Variants in MYH10 observed in about 807,000 individuals in gnomAD.
The protein encoded by MYH10 is myosin heavy chain 10.
Under a neutral mutation model 257.8 loss-of-function variants are expected in MYH10, and 55 were observed. The ratio of observed to expected loss-of-function variants is 0.21; its 90% CI spans 0.17 to 0.27. The LOEUF (loss-of-function observed/expected upper bound fraction) is 0.27. Ranked by LOEUF, MYH10 falls within the 10% of genes least tolerant of loss-of-function variation. The pLI is 1.00. For synonymous variants in MYH10, 854 were observed against 921.7 expected, an observed-to-expected ratio of 0.93 and a Z score of 1.33; for missense variants, 1,631 against 2,500.6, an observed-to-expected ratio of 0.65 and a Z score of 7.42.
chr17:8,569,457 T>C lies in MYH10; in HGVS notation c.756+263A>G, dbSNP rs1316494184. Among the ~76,000 whole-genome samples the C allele has an allele frequency of 6.6e-6, 1 of 152,074 alleles. No individual in the cohort carries two copies. The highest frequency in any genetic ancestry group is 2.4e-5 in the African/African-American group (1 of 41,392). ...TCAAAGATAAATAAGCTCAGAGAGGTTAAATTACATATCCATAAAATAAGA... is the reference window on the plus strand; with the variant it reads ...TCAAAGATAAATAAGCTCAGAGAGGCTAAATTACATATCCATAAAATAAGA... On this transcript the variant is annotated intron_variant, in intron 7 of 42. Coordinates refer to ENST00000360416, the MANE Select transcript of MYH10 (RefSeq NM_001256012.3). This position sits in a 1 kb window ranked among gnomAD's most constrained non-coding sequence, Gnocchi z 4.1.
At chr17:8,489,745 A>ACACACACACCCCCC (rs1258993754) in intron 35 of MYH10, among the ~76,000 whole-genome samples, 1 of 150,700 alleles carries the variant, frequency 6.6e-6, no homozygotes, top group African/African-American at 2.5e-5. Context: ...ACACACACAC[A>ACACACACACCCCCC]CCCCAAATCC....
chr17:8,518,780 T>C lies in MYH10; in HGVS notation c.2355A>G (p.Leu785=). The change falls in exon 21 of 43, where the codon TTA becomes TTG. Residue 785 remains leucine, a synonymous_variant. Coordinates refer to ENST00000360416, the MANE Select transcript of MYH10 (RefSeq NM_001256012.3). ...TTCTGTACAAGTTTGGGTCCAATTC[T>C]AAAGCCCGGATCTAAGAGAGAAAGA... ...KQACERMIRA[L]ELDPNLYRIG... is the part of the protein sequence containing the mutation. The C allele has an allele frequency of 6.2e-7, 1 of 1,612,710 alleles. No individual in the cohort carries two copies. The highest frequency in any genetic ancestry group is 8.5e-7 in the Non-Finnish European group (1 of 1,179,666).
intron 16 of MYH10, among the ~76,000 whole-genome samples, chr17:8,534,639 G>C (rs936973363): frequency 6.6e-6 from 1 of 152,196 alleles, no homozygotes; most frequent in South Asian, 2.1e-4. Context: ...TGTGACCCAG[G>C]TTACTGAACA....
rs770290598 is a variant in MYH10 at position 8,490,760 on chromosome 17, G to A, written c.4672-208C>T. 6.6e-6 allele frequency among the ~76,000 whole-genome samples: 1 copy of A among 152,206 alleles called. No homozygotes were observed. The highest frequency in any genetic ancestry group is 2.1e-4 in the South Asian group (1 of 4,836). On this transcript the variant is annotated intron_variant, in intron 34 of 42. Transcript: ENST00000360416. The surrounding 1 kb of genome is among the most constrained non-coding windows in gnomAD (Gnocchi z 4.1). ...TCAGTGTATGCAGTTCAGAACTACA[G>A]TGCGGATGTCTTTATTCCCACGTGT...
Position 8,506,724 on chromosome 17 carries a change from C to T in MYH10, c.3215-235G>A, listed in dbSNP as rs993468631. 2.8e-4 allele frequency among the ~76,000 whole-genome samples: 43 copies of T among 151,742 alleles called. No individual in the cohort carries two copies. Among genetic ancestry groups the T allele is most frequent in the African/African-American group, 1.0e-3 (43 of 41,282 alleles). On this transcript the variant is annotated intron_variant, in intron 26 of 42. Transcript: ENST00000360416. This position sits in a 1 kb window ranked among gnomAD's most constrained non-coding sequence, Gnocchi z 5.0. ...AATTTTAAGGAAGAAGTTGAGTGTCCTAAGAATGTCCTTTCATGGGAGGTG... is the reference window on the plus strand; with the variant it reads ...AATTTTAAGGAAGAAGTTGAGTGTCTTAAGAATGTCCTTTCATGGGAGGTG...
intron 37 of MYH10, among the ~76,000 whole-genome samples, chr17:8,481,749 C>G (rs1286377215): frequency 1.3e-5 from 2 of 152,132 alleles, no homozygotes; most frequent in South Asian, 2.1e-4. Flanking sequence ...TTATATAAAC[C>G]CTGAACCCTA....
chr17:8,549,117 C>CAA (rs2082537118), intron 9 of MYH10, among the ~76,000 whole-genome samples: 1 of 152,308 alleles, frequency 6.6e-6, no homozygotes, highest in African/African-American at 2.4e-5. Context: ...CTATTGTTTT[C>CAA]AGATTTAAAT....
chr17:8,474,971 G>C lies in MYH10; in HGVS notation c.*833C>G, dbSNP rs1269385575. The C allele has an allele frequency of 1.3e-5, 2 of 152,706 alleles. No individual in the cohort carries two copies. The highest frequency in any genetic ancestry group is 2.9e-5 in the Non-Finnish European group (2 of 68,068). 9.5% of individuals were successfully genotyped at this position (152,706 alleles called of 1,614,324 possible). On this transcript the variant is annotated 3_prime_UTR_variant, in exon 43 of 43. Transcript: ENST00000360416. ...ATGGGGAGGGGCCTTCCACCAGCTC[G>C]GCTTAGGGGTCCACGGCTGCTTGCT... is the stretch of plus-strand genomic sequence containing the variant.
intron 3 of MYH10, among the ~76,000 whole-genome samples, chr17:8,592,224 A>T (rs1219406103): frequency 1.3e-5 from 2 of 152,204 alleles, no homozygotes; most frequent in African/African-American, 4.8e-5. Context: ...TTTTTAAATC[A>T]ATGATCTGGG....
rs747198706 is a variant in MYH10 at position 8,478,386 on chromosome 17, G to C, written c.5658C>G (p.Phe1886Leu). 1.2e-6 allele frequency: 2 copies of C among 1,614,220 alleles called. No individual in the cohort carries two copies. Among genetic ancestry groups the C allele is most frequent in the South Asian group, 1.1e-5 (1 of 91,076 alleles). The stretch of plus-strand genomic sequence containing the variant: ...GTCGACGCTCATCCTCAACCTGCAT[G>C]AAGATTTCTTTCAGCTTCTTCTCAG... ...RRTEKKLKEI[F>L]MQVEDERRHA... The change falls in exon 41 of 43, where the codon TTC becomes TTG. Residue 1886 changes from phenylalanine (F) to leucine (L), a missense_variant. Physicochemically the swap from Phe to Leu is conservative, Grantham distance 22. Transcript: ENST00000360416.
chr17:8,526,845 A>C (rs116601211), intron 17 of MYH10, among the ~76,000 whole-genome samples: 1 of 152,198 alleles, frequency 6.6e-6, no homozygotes, highest in Non-Finnish European at 1.5e-5. Flanking sequence ...TTTAAGCTAG[A>C]TCTTCAGAAA....
intron 2 of MYH10, among the ~76,000 whole-genome samples, chr17:8,610,270 G>GAAAAAA (rs1567977649): frequency 1.2e-4 from 1 of 8,022 alleles, no homozygotes; most frequent in African/African-American, 2.8e-3. Context: ...CCATAGGATT[G>GAAAAAA]CAAAAAAAAA....
rs1555565094 is a variant in MYH10 at position 8,475,781 on chromosome 17, G to A, written c.*23C>T. 5 of 1,611,980 alleles carry A rather than the reference G, an allele frequency of 3.1e-6. No homozygotes were observed. The South Asian group carries it at 5.5e-5, about 18-fold the overall frequency. On this transcript the variant is annotated 3_prime_UTR_variant, in exon 43 of 43. Coordinates refer to ENST00000360416, the MANE Select transcript of MYH10 (RefSeq NM_001256012.3). ...GCATTCCTAACTGTCCCACTGTATTGCCTCCTCTGGCTTCCTGCAACTTTA... is the reference window on the plus strand; with the variant it reads ...GCATTCCTAACTGTCCCACTGTATTACCTCCTCTGGCTTCCTGCAACTTTA...
In MYH10 at chr17:8,504,820, A is replaced by C. The variant is rs749065785; in HGVS notation, c.3473T>G (p.Phe1158Cys). The C allele has an allele frequency of 6.2e-7, 1 of 1,614,200 alleles. No individual in the cohort carries two copies. The highest frequency in any genetic ancestry group is 1.7e-5 in the Admixed American group (1 of 60,032). Residue 1158 changes from phenylalanine (F) to cysteine (C), a missense_variant, in exon 28 of 43, where the codon TTT becomes TGT. By Grantham distance (205) the Phe-to-Cys change is radical. Transcript: ENST00000360416. This position sits in a 1 kb window ranked among gnomAD's most constrained non-coding sequence, Gnocchi z 5.6. ...QAQIAELQED[F>C]ESEKASRNKA... ...GTTCCGTGAAGCCTTCTCGGATTCA[A>C]AGTCTTCCTGAAGTTCAGCAATTTG...
At chr17:8,485,103 A>G (rs1043136261) in intron 36 of MYH10, among the ~76,000 whole-genome samples, 2 of 152,268 alleles carry the variant, frequency 1.3e-5, no homozygotes, top group East Asian at 3.8e-4. Flanking sequence ...GGTAATATGG[A>G]CAGTAAAAGA....
At chr17:8,564,656 T>C (rs1210432290) in intron 7 of MYH10, among the ~76,000 whole-genome samples, 1 of 152,184 alleles carries the variant, frequency 6.6e-6, no homozygotes, top group Non-Finnish European at 1.5e-5. Flanking sequence ...TGGAAGAGTG[T>C]ATGGCACTTT....
rs967396426 is a variant in MYH10 at position 8,535,333 on chromosome 17, T to G, written c.1894+54A>C. 2 of 1,376,568 alleles carry G rather than the reference T, an allele frequency of 1.5e-6. No homozygotes were observed. The highest frequency in any genetic ancestry group is 3.7e-5 in the Admixed American group (2 of 54,284). 85.3% of individuals were successfully genotyped at this position (1,376,568 alleles called of 1,614,324 possible). ...TATGTAAAAGAACCATCTATAAACC[T>G]TAATTATAAAAGATTCCAGCCAAGC... On this transcript the variant is annotated intron_variant, in intron 16 of 42. Coordinates refer to ENST00000360416, the MANE Select transcript of MYH10 (RefSeq NM_001256012.3). The surrounding 1 kb of genome is among the most constrained non-coding windows in gnomAD (Gnocchi z 4.3).
chr17:8,609,108 G>A (rs7210884), intron 2 of MYH10, among the ~76,000 whole-genome samples: 3,355 of 152,342 alleles, frequency 0.022, 139 homozygotes, highest in African/African-American at 0.076. Flanking sequence ...ACCGCGCCCA[G>A]CCGATTGGGA....
intron 21 of MYH10, among the ~76,000 whole-genome samples, chr17:8,516,365 A>T (rs2081469198): frequency 6.6e-6 from 1 of 152,128 alleles, no homozygotes; most frequent in Non-Finnish European, 1.5e-5. Flanking sequence ...TCCACAGTAC[A>T]ATCTGGTTCT....
Sources: allele counts gnomAD v4.1 joint callset (sites outside exome capture counted in the v4.1 genomes callset), GRCh38; gene constraint gnomAD v4.1.1; non-coding constraint Gnocchi (gnomAD v3.1); transcripts MANE v1.5; gene names NCBI Gene and HGNC (gene_info 2026-07-23, HGNC 2026-07-21).